NUP35: variants seen among roughly 807,000 people sequenced by gnomAD.
The protein encoded by NUP35 is nucleoporin 35.
Under a neutral mutation model 41.5 loss-of-function variants are expected in NUP35, and 25 were observed. The ratio of observed to expected loss-of-function variants is 0.60; its 90% CI spans 0.44 to 0.84. The LOEUF is 0.84. Ranked by LOEUF, NUP35 falls within the 40% of genes least tolerant of loss-of-function variation. NUP35 has a pLI of 0.00. For synonymous variants in NUP35, 149 were observed against 130.7 expected, an observed-to-expected ratio of 1.14 and a Z score of -0.96; for missense variants, 396 against 396.6, an observed-to-expected ratio of 1.00 and a Z score of 0.01.
intron 4 of NUP35, among the ~76,000 whole-genome samples, chr2:183,150,237 G>C (rs114252768): frequency 0.027 from 4,071 of 152,248 alleles, 133 homozygotes; most frequent in Admixed American, 0.096. Context: ...CAAAGTTTTA[G>C]TCCTGTTATG....
At chr2:183,122,159 C>T (rs1382875583), upstream of NUP35, among the ~76,000 whole-genome samples, 1 of 151,894 alleles carries the variant, frequency 6.6e-6, no homozygotes, top group Non-Finnish European at 1.5e-5. Flanking sequence ...TCACTGCAAC[C>T]TCCACCTCCT....
chr2:183,151,734 A>G lies in NUP35; in HGVS notation c.539+85A>G. ...TAATCAAACATACAGTAAAATGGAA[A>G]GAAGTGCATAGCAAACACCCATATT... On this transcript the variant is annotated intron_variant, in intron 5 of 8. Coordinates refer to ENST00000295119, the MANE Select transcript of NUP35 (RefSeq NM_138285.5). The G allele has an allele frequency of 3.1e-6, 4 of 1,295,718 alleles. 1 individual carries two copies. In the Middle Eastern group the frequency reaches 9.2e-4, roughly 297 times the overall value. The allele number at this position is 1,295,718 out of a possible 1,614,324, so 80.3% of individuals were successfully genotyped here. A position where few individuals can be genotyped will look rare whatever the true frequency, so the allele number is the denominator to read the frequency against.
At chr2:183,123,438 C>T (rs1326073317), upstream of NUP35, among the ~76,000 whole-genome samples, 1 of 152,190 alleles carries the variant, frequency 6.6e-6, no homozygotes, top group Non-Finnish European at 1.5e-5. Flanking sequence ...TCAATTCGAT[C>T]TGTGAGTGGT....
At chr2:183,131,027 G>T in intron 3 of NUP35, 1 of 657,308 alleles carries the variant, frequency 1.5e-6, no homozygotes, top group South Asian at 1.5e-5. Context: ...AGTTGCCCAG[G>T]CTAGAGTGCA....
At chr2:183,124,817 A>G (rs928585462) in intron 1 of NUP35, among the ~76,000 whole-genome samples, 2 of 152,150 alleles carry the variant, frequency 1.3e-5, no homozygotes, top group African/African-American at 4.8e-5. Flanking sequence ...GATACCCGAG[A>G]CGCGATGCTG....
At chr2:183,126,734 C>G (rs539444976) in intron 1 of NUP35, among the ~76,000 whole-genome samples, 5 of 151,112 alleles carry the variant, frequency 3.3e-5, no homozygotes, top group African/African-American at 1.2e-4. Context: ...TGGCAGCTTT[C>G]GGATATTAAG....
At chr2:183,132,520 T>C (rs1028431897) in intron 3 of NUP35, among the ~76,000 whole-genome samples, 12 of 152,126 alleles carry the variant, frequency 7.9e-5, no homozygotes, top group African/African-American at 2.9e-4. Flanking sequence ...ATCGTGTTAC[T>C]GCACTCAGCC....
chr2:183,159,521 T>G lies in NUP35; in HGVS notation c.772T>G (p.Ser258Ala), dbSNP rs201353209. 1.7e-5 allele frequency: 27 copies of G among 1,613,602 alleles called. No homozygotes were observed. The highest frequency in any genetic ancestry group is 2.1e-5 in the Non-Finnish European group (25 of 1,179,810). The stretch of plus-strand genomic sequence containing the variant: ...GGAAAGCAGTGACAGATGTGCTTTA[T>G]CATCTCCATCTTTAGCCTTTACACC... Reference protein sequence around the residue: ...VMESSDRCALSSPSLAFTPPI... With the variant: ...VMESSDRCALASPSLAFTPPI... Residue 258 changes from serine to alanine, a missense_variant, in exon 8 of 9, where the codon TCA becomes GCA. Transcript: ENST00000295119.
intron 2 of NUP35, among the ~76,000 whole-genome samples, chr2:183,129,482 T>G (rs1684620742): frequency 6.6e-6 from 1 of 152,202 alleles, no homozygotes. Flanking sequence ...TATTTAGGAT[T>G]TATCAGGGAG....
rs1394171106 is a variant in NUP35, at chr2:183,130,585, A to C, written c.339+40A>C. 3.1e-6 allele frequency: 5 copies of C among 1,594,546 alleles called. No homozygotes were observed. In the African/African-American group the frequency reaches 6.7e-5, roughly 22 times the overall value. Reference sequence around the variant, plus strand: ...CTTTTGATCCCCAATGAACAACATCATGGTTTTATGTGTCTGTTCAGTGAG... The same window carrying C: ...CTTTTGATCCCCAATGAACAACATCCTGGTTTTATGTGTCTGTTCAGTGAG... On this transcript the variant is annotated intron_variant, in intron 3 of 8. Transcript: ENST00000295119.
upstream of NUP35, chr2:183,124,275 A>G: frequency 7.2e-7 from 1 of 1,387,938 alleles, no homozygotes; most frequent in Non-Finnish European, 9.4e-7. Flanking sequence ...TTTCCTCGGA[A>G]ATTCTCAGCG....
At chr2:183,125,744 A>T (rs1201834820) in intron 1 of NUP35, among the ~76,000 whole-genome samples, 1 of 152,254 alleles carries the variant, frequency 6.6e-6, no homozygotes, top group African/African-American at 2.4e-5. Flanking sequence ...TTGCCTTGCC[A>T]GAAATCTGAC....
intron 4 of NUP35, 22 bp from the exon 5 acceptor site, chr2:183,151,486 C>T (rs1279863518): frequency 6.2e-7 from 1 of 1,607,058 alleles, no homozygotes; most frequent in Admixed American, 1.7e-5. Flanking sequence ...TGGCAACTAA[C>T]TTGCTAAATA....
intron 4 of NUP35, among the ~76,000 whole-genome samples, chr2:183,142,646 C>T (rs115850197): frequency 0.49 from 74,127 of 150,556 alleles, 19,527 homozygotes; most frequent in African/African-American, 0.68. Context: ...TGCTGGGCTA[C>T]TTTTTGTATT....
chr2:183,136,305 C>A (rs1684872454), intron 4 of NUP35, among the ~76,000 whole-genome samples: 2 of 152,190 alleles, frequency 1.3e-5, no homozygotes, highest in Admixed American at 1.3e-4. Context: ...GTATTATCTT[C>A]TGGTTTCTAG....
At chr2:183,137,712 G>T (rs1346837776) in intron 4 of NUP35, among the ~76,000 whole-genome samples, 1 of 151,968 alleles carries the variant, frequency 6.6e-6, no homozygotes, top group African/African-American at 2.4e-5. Context: ...AAGACCGCTT[G>T]AGCCGGGGAG....
Position 183,130,837 on chromosome 2 carries a change from A to T in NUP35, c.339+292A>T, listed in dbSNP as rs972539848. On this transcript the variant is annotated intron_variant, in intron 3 of 8. Coordinates refer to ENST00000295119, the MANE Select transcript of NUP35 (RefSeq NM_138285.5). The stretch of plus-strand genomic sequence containing the variant: ...CTACTTAATATACATGTAGAATGTG[A>T]CTATGGTTTAAATCATTCTGATTGT... Among the ~76,000 whole-genome samples the T allele has an allele frequency of 2.0e-4, 31 of 152,186 alleles. 1 individual carries two copies. The highest frequency in any genetic ancestry group is 1.9e-4 in the Non-Finnish European group (13 of 68,032).
chr2:183,133,537 T>C (rs769801982), intron 3 of NUP35, 29 bp from the exon 4 acceptor site: 1 of 1,582,530 alleles, frequency 6.3e-7, no homozygotes, highest in Non-Finnish European at 8.6e-7. Context: ...TTTGCATTTT[T>C]ACCATAACAC....
At chr2:183,159,431 T>A in intron 7 of NUP35, 57 bp from the exon 8 acceptor site, 1 of 1,319,174 alleles carries the variant, frequency 7.6e-7, no homozygotes, top group South Asian at 1.4e-5. Flanking sequence ...TAGGATGTAA[T>A]ACTGGATGAT....
Sources: allele counts gnomAD v4.1 joint callset (sites outside exome capture counted in the v4.1 genomes callset), GRCh38; gene constraint gnomAD v4.1.1; transcripts MANE v1.5; gene names NCBI Gene and HGNC (gene_info 2026-07-23, HGNC 2026-07-21).